The following MBNL2 variants were observed in gnomAD, a reference collection of about 807,000 sequenced individuals.
MBNL2 encodes muscleblind like splicing regulator 2.
A neutral mutation model predicts 41.9 loss-of-function variants in MBNL2; 17 were observed. The ratio of observed to expected loss-of-function variants is 0.41; its 90% CI spans 0.28 to 0.61. The LOEUF (loss-of-function observed/expected upper bound fraction) is 0.61. Among genes scored for constraint, MBNL2 ranks in the 20% least tolerant of loss-of-function variants. The pLI is 0.35. For missense variants in MBNL2, 336 were observed against 505.6 expected (o/e 0.66, Z 3.22); for synonymous variants, 195 against 182.9 (o/e 1.07, Z -0.53).
At chr13:97,292,881 TATCA>T (rs771552102) in intron 2 of MBNL2, among the ~76,000 whole-genome samples, 10 of 152,144 alleles carry the variant, frequency 6.6e-5, no homozygotes, top group Non-Finnish European at 1.2e-4. Context: ...TATTTTACTC[TATCA>T]GTCTTCTCCC....
chr13:97,346,723 C>A lies in MBNL2; in HGVS notation c.541-81C>A, dbSNP rs1195783980. 4 of 1,213,832 alleles carry A rather than the reference C, an allele frequency of 3.3e-6. No homozygotes were observed. Among genetic ancestry groups the A allele is most frequent in the Non-Finnish European group, 4.7e-6 (4 of 853,674 alleles). The allele number at this position is 1,213,832 out of a possible 1,614,324, so 75.2% of individuals were successfully genotyped here. A position where few individuals can be genotyped will look rare whatever the true frequency, so the allele number is the denominator to read the frequency against. On this transcript the variant is annotated intron_variant, in intron 4 of 8. Coordinates refer to ENST00000679496, the MANE Select transcript of MBNL2 (RefSeq NM_001382683.1). The surrounding 1 kb of genome is among the most constrained non-coding windows in gnomAD (Gnocchi z 4.2). ...ACCATTGAAAGCGAGGCAGCCTCCG[C>A]TCCTCCCGCGGTGGCCGGGGCCGCA...
the MBNL2 span, among the ~76,000 whole-genome samples, chr13:97,188,647 G>GAAA: frequency 1.4e-5 from 2 of 147,130 alleles, no homozygotes; most frequent in Non-Finnish European, 3.0e-5. Context: ...AAAGAGAAAG[G>GAAA]AAAAAAAAAA....
chr13:97,317,288 TA>T (rs1160130270), intron 2 of MBNL2, among the ~76,000 whole-genome samples: 1 of 152,138 alleles, frequency 6.6e-6, no homozygotes, highest in East Asian at 1.9e-4. Flanking sequence ...GGCAACCAGG[TA>T]AAACTGGGTG....
intron 2 of MBNL2, among the ~76,000 whole-genome samples, chr13:97,333,994 AAG>A (rs1566423464): frequency 8.8e-6 from 1 of 113,382 alleles, no homozygotes; most frequent in Non-Finnish European, 1.9e-5. Flanking sequence ...GAGGGAAAGA[AAG>A]AGAAAGAGAG....
chr13:97,360,151 T>C lies in MBNL2; in HGVS notation c.1012+2516T>C, dbSNP rs888684874. ...ACTTTTAAATGAACAGATTTTGATT[T>C]TTCTATAAATGTTTTACGTAAACAT... On this transcript the variant is annotated intron_variant, in intron 7 of 8. Transcript: ENST00000679496. Among the ~76,000 whole-genome samples the C allele has an allele frequency of 2.0e-5, 3 of 152,232 alleles. No homozygotes were observed. The East Asian group carries it at 5.8e-4, about 29-fold the overall frequency.
chr13:97,204,410 A>G, the MBNL2 span, among the ~76,000 whole-genome samples: 1 of 152,230 alleles, frequency 6.6e-6, no homozygotes, highest in Non-Finnish European at 1.5e-5. Flanking sequence ...TCCATTTAAA[A>G]TACTTTATAA....
Position 97,346,686 on chromosome 13 carries a change from G to A in MBNL2, c.541-118G>A. ...GCATAATCAATCTTTTCTTGTCAGT[G>A]GTACATGAGCCACCATTGAAAGCGA... On this transcript the variant is annotated intron_variant, in intron 4 of 8. Transcript: ENST00000679496. The surrounding 1 kb of genome is among the most constrained non-coding windows in gnomAD (Gnocchi z 4.2). 1 of 701,342 alleles carries A rather than the reference G, an allele frequency of 1.4e-6. No homozygotes were observed. Among genetic ancestry groups the A allele is most frequent in the Non-Finnish European group, 2.4e-6 (1 of 420,498 alleles). 43.4% of individuals were successfully genotyped at this position (701,342 alleles called of 1,614,324 possible). A position where few individuals can be genotyped will look rare whatever the true frequency, so the allele number is the denominator to read the frequency against.
the MBNL2 span, among the ~76,000 whole-genome samples, chr13:97,148,848 A>G: frequency 6.6e-6 from 1 of 152,232 alleles, no homozygotes; most frequent in African/African-American, 2.4e-5. Flanking sequence ...AAAGTGGGTT[A>G]ATTAGTTCTA....
chr13:97,379,808 G>A (rs1048297077), intron 8 of MBNL2, among the ~76,000 whole-genome samples: 1 of 152,210 alleles, frequency 6.6e-6, no homozygotes, highest in African/African-American at 2.4e-5. Context: ...ACATTCTGGA[G>A]ATGGAGGGTG....
the MBNL2 span, chr13:97,172,486 G>A: frequency 1.3e-5 from 2 of 152,182 alleles, no homozygotes; most frequent in African/African-American, 4.8e-5. Flanking sequence ...TCGCACTGTA[G>A]CAAGATGAAT....
intron 1 of MBNL2, among the ~76,000 whole-genome samples, chr13:97,250,118 T>C (rs2046237103): frequency 6.6e-6 from 1 of 152,224 alleles, no homozygotes; most frequent in Non-Finnish European, 1.5e-5. Flanking sequence ...TCTTTATTTC[T>C]TTTTTCTCTC....
intron 2 of MBNL2, among the ~76,000 whole-genome samples, chr13:97,322,923 A>C (rs1189148795): frequency 2.0e-5 from 3 of 152,180 alleles, no homozygotes; most frequent in African/African-American, 7.2e-5. Flanking sequence ...TAGTCTCAGA[A>C]ACCCCCTGCT....
chr13:97,357,476 T>A lies in MBNL2; in HGVS notation c.859-6T>A. 1 of 1,613,664 alleles carries A rather than the reference T, an allele frequency of 6.2e-7. No homozygotes were observed. Among genetic ancestry groups the A allele is most frequent in the Non-Finnish European group, 8.5e-7 (1 of 1,179,622 alleles). ...AGACATATCTTATCGAATTCTTCAT[T>A]TCTAGGCCTTTCCCCCTGGTGCTCT... On this transcript the variant is annotated splice_region_variant and splice_polypyrimidine_tract_variant and intron_variant, in intron 6 of 8. Transcript: ENST00000679496.
chr13:97,378,413 G>A (rs753704371), intron 8 of MBNL2, among the ~76,000 whole-genome samples: 46 of 152,212 alleles, frequency 3.0e-4, no homozygotes, highest in Non-Finnish European at 6.6e-4. Flanking sequence ...ACTTTAAAGA[G>A]TGGGAAATCC....
At chr13:97,247,633 T>TA (rs764986354) in intron 1 of MBNL2, among the ~76,000 whole-genome samples, 19 of 152,316 alleles carry the variant, frequency 1.2e-4, no homozygotes, top group East Asian at 1.9e-4. Flanking sequence ...GTGTTACTTA[T>TA]AAAAAAATTG....
chr13:97,177,535 G>A, the MBNL2 span, among the ~76,000 whole-genome samples: 2 of 151,918 alleles, frequency 1.3e-5, no homozygotes, highest in African/African-American at 4.8e-5. Flanking sequence ...AAAAGAAAAG[G>A]CAAATGGAAA....
intron 7 of MBNL2, among the ~76,000 whole-genome samples, chr13:97,359,737 G>A (rs372177753): frequency 8.5e-5 from 13 of 152,206 alleles, no homozygotes; most frequent in South Asian, 8.3e-4. Flanking sequence ...GGGTCCTAGC[G>A]CACCAATACA....
the MBNL2 span, among the ~76,000 whole-genome samples, chr13:97,174,714 C>A: frequency 1.3e-5 from 2 of 152,158 alleles, no homozygotes; most frequent in Non-Finnish European, 2.9e-5. Context: ...CATCTGCACA[C>A]TTCAATGCCA....
intron 2 of MBNL2, among the ~76,000 whole-genome samples, chr13:97,278,854 C>T (rs1048108121): frequency 2.6e-5 from 4 of 152,192 alleles, no homozygotes; most frequent in Non-Finnish European, 4.4e-5. Context: ...AATGTGAAAA[C>T]GGCCCACAGG....
Sources: allele counts gnomAD v4.1 joint callset (sites outside exome capture counted in the v4.1 genomes callset), GRCh38; gene constraint gnomAD v4.1.1; non-coding constraint Gnocchi (gnomAD v3.1); transcripts MANE v1.5; gene names NCBI Gene and HGNC (gene_info 2026-07-23, HGNC 2026-07-21).